The following TOPBP1 variants were observed in gnomAD, a reference collection of about 807,000 sequenced individuals.
TOPBP1 encodes the protein DNA topoisomerase 2-binding protein 1.
TOPBP1 carries 28 observed loss-of-function variants against 167.7 expected under a neutral mutation model. That is an observed-to-expected ratio of 0.17 (90% confidence interval 0.12 to 0.23). TOPBP1 has a LOEUF of 0.23. Among genes scored for constraint, TOPBP1 ranks in the 10% least tolerant of loss-of-function variants. The probability of loss-of-function intolerance (pLI) is 1.00; values close to 1 mark genes in which losing one functional copy is unlikely to be tolerated. For synonymous variants in TOPBP1, 598 were observed against 611.4 expected (o/e 0.98, Z 0.32); for missense variants, 1,554 against 1,809.6 (o/e 0.86, Z 2.56).
chr3:133,619,558 A>G (rs561302019), intron 20 of TOPBP1, among the ~76,000 whole-genome samples: 6 of 152,322 alleles, frequency 3.9e-5, no homozygotes, highest in African/African-American at 1.4e-4. Context: ...TTTTACAAGG[A>G]GAATACAAAA....
chr3:133,635,335 C>G (rs562604180), intron 14 of TOPBP1, among the ~76,000 whole-genome samples: 1 of 152,264 alleles, frequency 6.6e-6, no homozygotes, highest in East Asian at 1.9e-4. Context: ...CTCACTGCAG[C>G]CTCAAACTCC....
chr3:133,614,336 A>T (rs559158681), intron 23 of TOPBP1, among the ~76,000 whole-genome samples: 68 of 152,342 alleles, frequency 4.5e-4, no homozygotes, highest in African/African-American at 1.4e-3. Flanking sequence ...CAAAAAGACA[A>T]GAAGGTAAAA....
Position 133,659,070 on chromosome 3 carries a change from T to C in TOPBP1, c.165A>G (p.Arg55=). ...EEALKIKEND[R]SLYICDPFSG... ...TAAAAGGGTCACAGATATAAAGTGA[T>C]CTATCATTCTCCTTTATCTTCAATG... is the stretch of plus-strand genomic sequence containing the variant. The change falls in exon 3 of 28, where the codon AGA becomes AGG. Residue 55 remains arginine, a synonymous_variant. Transcript: ENST00000260810. 1 of 1,595,358 alleles carries C rather than the reference T, an allele frequency of 6.3e-7. No individual in the cohort carries two copies. The highest frequency in any genetic ancestry group is 8.5e-7 in the Non-Finnish European group (1 of 1,170,490).
intron 8 of TOPBP1, 72 bp downstream of exon 8, chr3:133,652,391 G>T: frequency 6.5e-7 from 1 of 1,531,210 alleles, no homozygotes; most frequent in East Asian, 2.3e-5. Context: ...CAACTCTGAA[G>T]GGTCTTCAAA....
intron 23 of TOPBP1, 129 bp from the exon 24 acceptor site, chr3:133,612,681 G>T: frequency 1.5e-6 from 1 of 679,690 alleles, no homozygotes; most frequent in Non-Finnish European, 2.2e-6. Context: ...AAAAAAACTT[G>T]ACTTACTTAG....
At chr3:133,629,147 G>A (rs973456216) in intron 14 of TOPBP1, among the ~76,000 whole-genome samples, 16 of 151,736 alleles carry the variant, frequency 1.1e-4, no homozygotes, top group African/African-American at 3.9e-4. Context: ...AAGTCAAAAT[G>A]AGCTGAGAAT....
rs1935844074 is a variant in TOPBP1 at position 133,640,091 on chromosome 3, C to A, written c.2101G>T (p.Gly701Cys). Reference protein sequence around the residue: ...ASTHLILKERGGSKYEAAKKW... With the variant: ...ASTHLILKERCGSKYEAAKKW... Reference sequence around the variant, plus strand: ...TTTGCAGCTTCATATTTAGAGCCACCACGTTCTTTCAGTATAAGATGAGTA... The same window carrying A: ...TTTGCAGCTTCATATTTAGAGCCACAACGTTCTTTCAGTATAAGATGAGTA... Residue 701 changes from glycine (G) to cysteine (C), a missense_variant, in exon 13 of 28, where the codon GGT (glycine) becomes TGT (cysteine). This residue lies in a region of TOPBP1 where 1,197 missense variants were observed against 1,351.5 expected (regional missense o/e 0.89). Transcript: ENST00000260810. The A allele has an allele frequency of 1.7e-5, 28 of 1,613,686 alleles. No individual in the cohort carries two copies. Among genetic ancestry groups the A allele is most frequent in the Non-Finnish European group, 2.4e-5 (28 of 1,179,850 alleles).
chr3:133,644,220 C>T lies in TOPBP1; in HGVS notation c.1648G>A (p.Glu550Lys). The T allele has an allele frequency of 6.2e-7, 1 of 1,613,880 alleles. No individual in the cohort carries two copies. The highest frequency in any genetic ancestry group is 8.5e-7 in the Non-Finnish European group (1 of 1,179,840). The change falls in exon 11 of 28, where the codon GAA becomes AAA. Residue 550 changes from glutamate (E) to lysine (K), a missense_variant. Transcript: ENST00000260810. The stretch of plus-strand genomic sequence containing the variant: ...AAACTCTTTTGGCTAAATAAGCCTT[C>T]TTCAGTAATTGTAGAAACATCAGGG... ...CVPDVSTITE[E>K]GLFSQKSFLV...
At chr3:133,617,367 A>T in intron 21 of TOPBP1, 41 bp from the exon 22 acceptor site, 5 of 1,512,602 alleles carry the variant, frequency 3.3e-6, no homozygotes, top group Non-Finnish European at 4.4e-6. Flanking sequence ...GGATCCAAAT[A>T]AGACTAAAAA....
Position 133,659,148 on chromosome 3 carries a change from G to A in TOPBP1, c.87C>T (p.Ser29=). Reference sequence around the variant, plus strand: ...ATTCTTCTGATTGGAATTCTTTTATGGACTGAAAGAAAAAATAAAATAAGA... The same window carrying A: ...ATTCTTCTGATTGGAATTCTTTTATAGACTGAAAGAAAAAATAAAATAAGA... ...NSKCFFKALE[S]IKEFQSEEYL... The change falls in exon 3 of 28, where the codon TCC becomes TCT. Residue 29 remains serine, a splice_region_variant and synonymous_variant. Transcript: ENST00000260810. 6.4e-7 allele frequency: 1 copy of A among 1,553,378 alleles called. No homozygotes were observed. The highest frequency in any genetic ancestry group is 2.1e-5 in the Admixed American group (1 of 48,492).
intron 23 of TOPBP1, among the ~76,000 whole-genome samples, chr3:133,613,974 G>A (rs1269310359): frequency 5.3e-5 from 8 of 151,788 alleles, no homozygotes; most frequent in Non-Finnish European, 1.5e-5. Flanking sequence ...TGTATTTTTA[G>A]TAGAGACGGG....
In TOPBP1 at chr3:133,655,376, T is replaced by C. The variant is rs756085653; in HGVS notation, c.656A>G (p.Gln219Arg). 8.1e-6 allele frequency: 13 copies of C among 1,608,724 alleles called. No homozygotes were observed. Among genetic ancestry groups the C allele is most frequent in the Middle Eastern group, 1.6e-4 (1 of 6,066 alleles). The change falls in exon 6 of 28, where the codon CAG (glutamine) becomes CGG (arginine). Residue 219 changes from glutamine (Q) to arginine (R), a missense_variant. Transcript: ENST00000260810. The stretch of plus-strand genomic sequence containing the variant: ...ACCTCCATGCTTAACTGTGAGTTGC[T>C]GAACTTCTTTCCTGTCTAAGCCACA... ...GLCGLDRKEV[Q>R]QLTVKHGGQY... is the part of the protein sequence containing the mutation.
intron 14 of TOPBP1, among the ~76,000 whole-genome samples, chr3:133,631,174 G>A (rs563614041): frequency 8.9e-4 from 136 of 152,318 alleles, no homozygotes; most frequent in South Asian, 2.3e-3. Flanking sequence ...AAGTGATAAA[G>A]TGAGATCCTA....
chr3:133,652,305 A>G lies in TOPBP1; in HGVS notation c.1089+158T>C, dbSNP rs1268988571. The stretch of plus-strand genomic sequence containing the variant: ...TGCAGGCAGAGGGACTCTCGCAGCC[A>G]AAGGATGGACATGGTCTAGTAAGTG... On this transcript the variant is annotated intron_variant, in intron 8 of 27. Coordinates refer to ENST00000260810, the MANE Select transcript of TOPBP1 (RefSeq NM_007027.4). 2.0e-5 allele frequency among the ~76,000 whole-genome samples: 3 copies of G among 152,334 alleles called. No homozygotes were observed. In the East Asian group the frequency reaches 5.8e-4, roughly 29 times the overall value.
intron 27 of TOPBP1, among the ~76,000 whole-genome samples, chr3:133,603,392 A>C (rs961331459): frequency 2.0e-5 from 3 of 152,210 alleles, no homozygotes; most frequent in African/African-American, 7.2e-5. Flanking sequence ...CCCTAAATCC[A>C]ATCATATCAA....
At chr3:133,627,407 ATAGGTAAT>A (rs891747904) in intron 16 of TOPBP1, among the ~76,000 whole-genome samples, 3 of 152,220 alleles carry the variant, frequency 2.0e-5, no homozygotes, top group African/African-American at 7.2e-5. Flanking sequence ...AGGTAACATA[ATAGGTAAT>A]TAGATAATAA....
In TOPBP1 at chr3:133,601,296, T is replaced by G. The variant is rs1206823796; in HGVS notation, c.4523A>C (p.Lys1508Thr). 1.2e-6 allele frequency: 2 copies of G among 1,608,516 alleles called. No homozygotes were observed. The highest frequency in any genetic ancestry group is 2.2e-5 in the South Asian group (2 of 89,458). Reference sequence around the variant, plus strand: ...GATTTTATTTTTTTCTGTAGGAGCTTTCCTCTTTTGTGATAATCCAGTCCC... The same window carrying G: ...GATTTTATTTTTTTCTGTAGGAGCTGTCCTCTTTTGTGATAATCCAGTCCC... ...ELGTGLSQKR[K>T]APTEKNKIKR... Residue 1508 changes from lysine to threonine, a missense_variant, in exon 28 of 28, where the codon AAA becomes ACA. Lys to Thr is a moderately conservative substitution (Grantham distance 78). Coordinates refer to ENST00000260810, the MANE Select transcript of TOPBP1 (RefSeq NM_007027.4).
At chr3:133,603,914 A>G in intron 27 of TOPBP1, among the ~76,000 whole-genome samples, 1 of 151,878 alleles carries the variant, frequency 6.6e-6, no homozygotes. Context: ...GTTCATTAAG[A>G]TAGATGAAGC....
intron 10 of TOPBP1, 51 bp from the exon 11 acceptor site, chr3:133,644,414 T>A: frequency 6.9e-7 from 1 of 1,438,974 alleles, no homozygotes; most frequent in Non-Finnish European, 9.3e-7. Context: ...CTTATACAGT[T>A]TACTTCCTAG....
Sources: allele counts gnomAD v4.1 joint callset (sites outside exome capture counted in the v4.1 genomes callset), GRCh38; gene constraint gnomAD v4.1.1; regional missense constraint gnomAD v4.1.1; transcripts MANE v1.5; gene names NCBI Gene and HGNC (gene_info 2026-07-23, HGNC 2026-07-21).